Variants in SUCLG2 observed in about 807,000 individuals in gnomAD.
SUCLG2 encodes succinate-CoA ligase GDP-forming subunit beta, also known as succinate--CoA ligase [GDP-forming] subunit beta, mitochondrial.
A neutral mutation model predicts 47.9 loss-of-function variants in SUCLG2; 42 were observed. The observed-to-expected ratio is 0.88, with a 90% CI of 0.69 to 1.14. The LOEUF is 1.14. SUCLG2 is among the 50% of genes most tolerant of loss of function. SUCLG2 has a pLI of 0.00. For synonymous variants in SUCLG2, 195 were observed against 197.3 expected, an observed-to-expected ratio of 0.99 and a Z score of 0.10; for missense variants, 571 against 525.9, an observed-to-expected ratio of 1.09 and a Z score of -0.84.
At chr3:67,451,483 C>A (rs1054610298) in intron 9 of SUCLG2, among the ~76,000 whole-genome samples, 2 of 152,124 alleles carry the variant, frequency 1.3e-5, no homozygotes, top group East Asian at 3.9e-4. Context: ...GTTAAATAAT[C>A]CTCAAGGGAG....
downstream of SUCLG2, among the ~76,000 whole-genome samples, chr3:67,373,634 AC>A (rs367845826): frequency 6.6e-6 from 1 of 152,286 alleles, no homozygotes; most frequent in Non-Finnish European, 1.5e-5. Flanking sequence ...CTGACCTGAA[AC>A]TGATCACTGG....
chr3:67,542,967 A>T (rs1317525098), intron 2 of SUCLG2, among the ~76,000 whole-genome samples: 1 of 152,208 alleles, frequency 6.6e-6, no homozygotes, highest in African/African-American at 2.4e-5. Flanking sequence ...GACCAAGCAG[A>T]CCTAATAGAC....
intron 2 of SUCLG2, among the ~76,000 whole-genome samples, chr3:67,605,841 C>G (rs1700403585): frequency 1.3e-5 from 2 of 152,042 alleles, no homozygotes; most frequent in Non-Finnish European, 2.9e-5. Context: ...GCTTTATTGT[C>G]TCTTTTTTTC....
At chr3:67,522,351 C>T (rs1039458101) in intron 4 of SUCLG2, among the ~76,000 whole-genome samples, 2 of 151,888 alleles carry the variant, frequency 1.3e-5, no homozygotes, top group Admixed American at 6.6e-5. Flanking sequence ...GGCCTGCTGA[C>T]AGACATTTAC....
In SUCLG2 at chr3:67,375,009, T is replaced by A; in HGVS notation, c.*735A>T. ...ACAGAGATTTCCATAAGAATCAGGA[T>A]TCATTTTTGACACAAAAATGGAAGC... On this transcript the variant is annotated 3_prime_UTR_variant, in exon 11 of 11. Coordinates refer to ENST00000307227, the MANE Select transcript of SUCLG2 (RefSeq NM_003848.4). 2 of 985,812 alleles carry A rather than the reference T, an allele frequency of 2.0e-6. No homozygotes were observed. Among genetic ancestry groups the A allele is most frequent in the Non-Finnish European group, 2.4e-6 (2 of 829,936 alleles). The allele number at this position is 985,812 out of a possible 1,614,324, so 61.1% of individuals were successfully genotyped here. A position where few individuals can be genotyped will look rare whatever the true frequency, so the allele number is the denominator to read the frequency against.
At chr3:67,454,366 A>C (rs911505214) in intron 9 of SUCLG2, among the ~76,000 whole-genome samples, 4 of 151,440 alleles carry the variant, frequency 2.6e-5, no homozygotes, top group Admixed American at 6.6e-5. Context: ...ACAAGGCAAT[A>C]CTTTTTTACC....
chr3:67,395,057 G>A (rs559691555), intron 10 of SUCLG2, among the ~76,000 whole-genome samples: 61 of 151,898 alleles, frequency 4.0e-4, no homozygotes, highest in African/African-American at 5.8e-4. Flanking sequence ...GGTACCAGCC[G>A]CGGCAAAATC....
chr3:67,541,053 G>A (rs1706691783), intron 2 of SUCLG2, among the ~76,000 whole-genome samples: 1 of 152,168 alleles, frequency 6.6e-6, no homozygotes, highest in Non-Finnish European at 1.5e-5. Context: ...ATCCAAAGGT[G>A]ACCAACATCA....
intron 9 of SUCLG2, among the ~76,000 whole-genome samples, chr3:67,434,927 G>A (rs558184967): frequency 1.3e-5 from 2 of 152,300 alleles, no homozygotes; most frequent in South Asian, 4.1e-4. Flanking sequence ...CGTCTCAACT[G>A]TTGTTAGGTA....
chr3:67,410,859 C>T (rs1702918617), intron 9 of SUCLG2, among the ~76,000 whole-genome samples: 1 of 152,150 alleles, frequency 6.6e-6, no homozygotes, highest in Admixed American at 6.5e-5. Context: ...GCTTTCAAAG[C>T]AGGATACTCA....
At chr3:67,589,323 T>A (rs1708099257) in intron 2 of SUCLG2, among the ~76,000 whole-genome samples, 2 of 152,354 alleles carry the variant, frequency 1.3e-5, no homozygotes, top group Non-Finnish European at 2.9e-5. Context: ...GTTTTCTGTC[T>A]TCTCTCACTA....
At chr3:67,508,272 G>C (rs77615744) in intron 7 of SUCLG2, among the ~76,000 whole-genome samples, 1 of 152,220 alleles carries the variant, frequency 6.6e-6, no homozygotes, top group Admixed American at 6.5e-5. Flanking sequence ...AAAGACGTTC[G>C]AAAAGTTCCA....
intron 10 of SUCLG2, among the ~76,000 whole-genome samples, chr3:67,384,955 G>C (rs938854555): frequency 2.0e-5 from 3 of 152,204 alleles, no homozygotes; most frequent in Non-Finnish European, 4.4e-5. Context: ...TTCTGCCTCA[G>C]GACAGCCTCA....
intron 8 of SUCLG2, among the ~76,000 whole-genome samples, chr3:67,497,431 G>A (rs1051480545): frequency 1.3e-5 from 2 of 152,080 alleles, no homozygotes; most frequent in Admixed American, 6.5e-5. Context: ...AAACTGTATT[G>A]CTTCTACAGA....
intron 2 of SUCLG2, among the ~76,000 whole-genome samples, chr3:67,560,738 C>T (rs2107215138): frequency 6.6e-6 from 1 of 152,090 alleles, no homozygotes; most frequent in Admixed American, 6.5e-5. Context: ...TCTAGTGCCT[C>T]CTCCAAGTAA....
rs1004512955 is a variant in SUCLG2, at chr3:67,556,568, G to C, written c.227-27382C>G. On this transcript the variant is annotated intron_variant, in intron 2 of 10. Coordinates refer to ENST00000307227, the MANE Select transcript of SUCLG2 (RefSeq NM_003848.4). ...TTCAGGAAGAGCGGGAGCCCTGAGA[G>C]ACAGCTAGTGGTGTCTGCTGGTCAA... Among the ~76,000 whole-genome samples, 6 of 152,034 alleles carry C rather than the reference G, an allele frequency of 3.9e-5. No homozygotes were observed. The East Asian group carries it at 1.2e-3, about 29-fold the overall frequency.
At chr3:67,424,227 C>T (rs2106867050) in intron 9 of SUCLG2, among the ~76,000 whole-genome samples, 1 of 152,234 alleles carries the variant, frequency 6.6e-6, no homozygotes, top group East Asian at 1.9e-4. Context: ...CTCTGATATA[C>T]AATGGTGAGG....
chr3:67,607,736 A>G (rs1468623748), intron 2 of SUCLG2, among the ~76,000 whole-genome samples: 4 of 152,188 alleles, frequency 2.6e-5, no homozygotes, highest in Non-Finnish European at 5.9e-5. Flanking sequence ...AGGGGGAGAT[A>G]ACTGAATCAT....
chr3:67,416,523 G>A (rs930827289), intron 9 of SUCLG2, among the ~76,000 whole-genome samples: 1 of 152,038 alleles, frequency 6.6e-6, no homozygotes, highest in African/African-American at 2.4e-5. Context: ...CTATGTACAG[G>A]GAATATGAGA....
Sources: gnomAD v4.1 joint callset for allele counts (sites outside exome capture counted in the v4.1 genomes callset) on GRCh38, gnomAD v4.1.1 for gene constraint, MANE v1.5 for transcripts, NCBI Gene and HGNC (gene_info 2026-07-23, HGNC 2026-07-21) for gene names.